The following RPA2 variants were observed in gnomAD, a reference collection of about 807,000 sequenced individuals.
The protein encoded by RPA2 is replication protein A 32 kDa subunit.
Under a neutral mutation model 33.4 loss-of-function variants are expected in RPA2, and 22 were observed. The ratio of observed to expected loss-of-function variants is 0.66; its 90% CI spans 0.47 to 0.94. The LOEUF (loss-of-function observed/expected upper bound fraction) is 0.94, where lower values mean the gene tolerates loss of function less well. Ranked by LOEUF, RPA2 falls within the 40% of genes least tolerant of loss-of-function variation. The pLI is 0.00. For synonymous variants in RPA2, 109 were observed against 114.9 expected (o/e 0.95, Z 0.33); for missense variants, 279 against 329.9 (o/e 0.85, Z 1.19).
intron 4 of RPA2, among the ~76,000 whole-genome samples, chr1:27,905,879 G>A (rs993228956): frequency 1.3e-5 from 2 of 152,160 alleles, no homozygotes; most frequent in Non-Finnish European, 2.9e-5. Flanking sequence ...CGCCCACCTC[G>A]GCCTCCCAAA....
intron 2 of RPA2, among the ~76,000 whole-genome samples, chr1:27,913,077 C>G (rs997681265): frequency 6.6e-6 from 1 of 151,986 alleles, no homozygotes; most frequent in Non-Finnish European, 1.5e-5. Flanking sequence ...TTCAGCCTCC[C>G]TAGTAGCTGG....
At chr1:27,896,486 T>C (rs1251474366) in intron 6 of RPA2, among the ~76,000 whole-genome samples, 1 of 152,154 alleles carries the variant, frequency 6.6e-6, no homozygotes, top group Non-Finnish European at 1.5e-5. Context: ...TTTCTAATAC[T>C]ACAGTCAACT....
At chr1:27,901,288 C>T (rs2089963864) in intron 4 of RPA2, among the ~76,000 whole-genome samples, 1 of 152,168 alleles carries the variant, frequency 6.6e-6, no homozygotes, top group Non-Finnish European at 1.5e-5. Context: ...GCAAGAATGT[C>T]CACTAGCAAA....
At chr1:27,893,205 C>T (rs2089846249) in intron 8 of RPA2, among the ~76,000 whole-genome samples, 1 of 152,174 alleles carries the variant, frequency 6.6e-6, no homozygotes, top group Non-Finnish European at 1.5e-5. Context: ...GTCCTTAGTG[C>T]TTGCTGAATG....
chr1:27,892,518 TA>T (rs2148649879), intron 8 of RPA2, among the ~76,000 whole-genome samples: 1 of 152,318 alleles, frequency 6.6e-6, no homozygotes, highest in African/African-American at 2.4e-5. Context: ...GGGCCTCACT[TA>T]AATACAGTCT....
At position 27,892,263 on chromosome 1, in the gene RPA2, A is replaced by G. The variant is rs930976598; in HGVS notation, c.729-16T>C. ...CACAGCTTGCCTAGAAAGAAAGAAG[A>G]AAAAAAAAAGGTCATTTTCAGGCCA... On this transcript the variant is annotated splice_polypyrimidine_tract_variant and intron_variant, in intron 8 of 8. Coordinates refer to ENST00000373912, the MANE Select transcript of RPA2 (RefSeq NM_002946.5). The G allele has an allele frequency of 6.7e-6, 10 of 1,484,186 alleles. No homozygotes were observed. The highest frequency in any genetic ancestry group is 2.8e-5 in the African/African-American group (2 of 71,336). The allele number at this position is 1,484,186 out of a possible 1,614,324, so 91.9% of individuals were successfully genotyped here.
chr1:27,904,460 T>C (rs1361758412), intron 4 of RPA2, among the ~76,000 whole-genome samples: 1 of 152,194 alleles, frequency 6.6e-6, no homozygotes, highest in African/African-American at 2.4e-5. Flanking sequence ...CCCTGCTTGA[T>C]GGCAGGGACT....
intron 4 of RPA2, among the ~76,000 whole-genome samples, chr1:27,901,638 G>T (rs749250999): frequency 6.6e-6 from 1 of 152,064 alleles, no homozygotes; most frequent in Non-Finnish European, 1.5e-5. Flanking sequence ...TGGGATTATA[G>T]ACGTGAGCCA....
In RPA2 at chr1:27,906,990, C is replaced by T; in HGVS notation, c.271G>A (p.Val91Ile). 6.2e-7 allele frequency: 1 copy of T among 1,613,244 alleles called. No individual in the cohort carries two copies. The highest frequency in any genetic ancestry group is 8.5e-7 in the Non-Finnish European group (1 of 1,179,928). Residue 91 changes from valine (V) to isoleucine (I), a missense_variant, in exon 4 of 9, where the codon GTT (valine) becomes ATT (isoleucine). Val to Ile is a conservative substitution (Grantham distance 29). Around this residue, in one of 2 missense-constraint regions of RPA2, gnomAD observed 274 missense variants for 310.3 expected, o/e 0.88. Transcript: ENST00000373912. The stretch of plus-strand genomic sequence containing the variant: ...GCTGTCATGTCATCTATTTTGTAAA[C>T]AATGTTGGTTGGAGCCTTCTCTGCA... Reference protein sequence around the residue: ...RHAEKAPTNIVYKIDDMTAAP... With the variant: ...RHAEKAPTNIIYKIDDMTAAP...
intron 8 of RPA2, among the ~76,000 whole-genome samples, chr1:27,892,919 A>G (rs904468817): frequency 3.9e-5 from 6 of 152,194 alleles, no homozygotes; most frequent in African/African-American, 1.4e-4. Flanking sequence ...TAACTATCAC[A>G]AGCACCATAA....
chr1:27,909,219 G>A (rs911573252), intron 2 of RPA2, among the ~76,000 whole-genome samples: 4 of 152,182 alleles, frequency 2.6e-5, no homozygotes, highest in African/African-American at 9.7e-5. Context: ...TTAGAACACA[G>A]TAGACTCTTG....
chr1:27,910,043 T>C (rs1363518873), intron 2 of RPA2, among the ~76,000 whole-genome samples: 3 of 152,318 alleles, frequency 2.0e-5, no homozygotes. Context: ...GATTTACCTC[T>C]CACAAACTAC....
intron 2 of RPA2, among the ~76,000 whole-genome samples, chr1:27,910,941 C>A (rs551817715): frequency 2.0e-5 from 3 of 151,996 alleles, no homozygotes; most frequent in African/African-American, 4.8e-5. Flanking sequence ...CAAGGCCAGG[C>A]GCAGTGGCTC....
chr1:27,896,143 G>T (rs188383367), intron 6 of RPA2, among the ~76,000 whole-genome samples: 1 of 152,046 alleles, frequency 6.6e-6, no homozygotes, highest in Non-Finnish European at 1.5e-5. Context: ...CTCGAATGCC[G>T]ACTAGAATGA....
At chr1:27,900,062 G>A (rs1167594875) in intron 4 of RPA2, among the ~76,000 whole-genome samples, 1 of 152,186 alleles carries the variant, frequency 6.6e-6, no homozygotes, top group Non-Finnish European at 1.5e-5. Context: ...ACCCGCCTCC[G>A]CCTCCCAAAG....
At position 27,892,563 on chromosome 1, in the gene RPA2, C is replaced by T. The variant is rs144071273; in HGVS notation, c.729-316G>A. On this transcript the variant is annotated intron_variant, in intron 8 of 8. Coordinates refer to ENST00000373912, the MANE Select transcript of RPA2 (RefSeq NM_002946.5). Reference sequence around the variant, plus strand: ...AAACAAGGATCTAAAGCTGTAGTCACACTTGCACACAAAATCTCCTAGTAG... The same window carrying T: ...AAACAAGGATCTAAAGCTGTAGTCATACTTGCACACAAAATCTCCTAGTAG... Among the ~76,000 whole-genome samples, 183 of 152,316 alleles carry T rather than the reference C, an allele frequency of 1.2e-3. 1 individual carries two copies. The highest frequency in any genetic ancestry group is 4.3e-3 in the African/African-American group (177 of 41,560).
At position 27,914,468 on chromosome 1, in the gene RPA2, G is replaced by C. The variant is rs1289494534; in HGVS notation, c.-25C>G. On this transcript the variant is annotated 5_prime_UTR_variant, in exon 1 of 9. Coordinates refer to ENST00000373912, the MANE Select transcript of RPA2 (RefSeq NM_002946.5). Reference sequence around the variant, plus strand: ...TCTTGGTCACGATTCTCCGCAAAGAGGCCGAGAAGGTGCGGGTCTGGGGGA... The same window carrying C: ...TCTTGGTCACGATTCTCCGCAAAGACGCCGAGAAGGTGCGGGTCTGGGGGA... The C allele has an allele frequency of 4.4e-6, 7 of 1,592,274 alleles. No homozygotes were observed. The highest frequency in any genetic ancestry group is 4.0e-5 in the African/African-American group (3 of 74,458).
chr1:27,896,888 T>C, intron 6 of RPA2, 117 bp downstream of exon 6: 1 of 665,098 alleles, frequency 1.5e-6, no homozygotes, highest in Non-Finnish European at 2.7e-6. Context: ...TCTGAGGACT[T>C]AGTGATGTCT....
chr1:27,910,537 T>C (rs1419655137), intron 2 of RPA2, among the ~76,000 whole-genome samples: 1 of 152,178 alleles, frequency 6.6e-6, no homozygotes, highest in African/African-American at 2.4e-5. Context: ...CAAAAACACT[T>C]TCAAACTAAA....
Sources: allele counts gnomAD v4.1 joint callset (sites outside exome capture counted in the v4.1 genomes callset), GRCh38; gene constraint gnomAD v4.1.1; regional missense constraint gnomAD v4.1.1; transcripts MANE v1.5; gene names NCBI Gene and HGNC (gene_info 2026-07-23, HGNC 2026-07-21).